NEBL: variants seen among roughly 807,000 people sequenced by gnomAD.
NEBL encodes the protein LIM and SH3 protein 2.
Under a neutral mutation model 140.2 loss-of-function variants are expected in NEBL, and 122 were observed. That is an observed-to-expected ratio of 0.87 (90% CI 0.75 to 1.01). The LOEUF is 1.01. NEBL is among the 50% of genes least tolerant of loss of function. The pLI is 0.00. For synonymous variants in NEBL, 436 were observed against 398.9 expected, an observed-to-expected ratio of 1.09 and a Z score of -1.11; for missense variants, 1,365 against 1,231.3, an observed-to-expected ratio of 1.11 and a Z score of -1.62.
intron 21 of NEBL, among the ~76,000 whole-genome samples, chr10:20,816,698 A>G (rs1373379425): frequency 6.6e-6 from 1 of 152,214 alleles, no homozygotes; most frequent in Non-Finnish European, 1.5e-5. Flanking sequence ...CTATATGTTA[A>G]TGACTGTAAA....
intron 2 of NEBL, among the ~76,000 whole-genome samples, chr10:21,147,511 G>T (rs2132118031): frequency 6.6e-6 from 1 of 151,000 alleles, no homozygotes; most frequent in African/African-American, 2.4e-5. Context: ...TTTACCTCCT[G>T]ATTTCCTCTT....
intron 14 of NEBL, among the ~76,000 whole-genome samples, chr10:20,832,735 A>C (rs1840533132): frequency 6.6e-6 from 1 of 152,188 alleles, no homozygotes; most frequent in South Asian, 2.1e-4. Context: ...TTATTAGGAG[A>C]TCCTCAAATT....
chr10:21,129,274 T>A (rs1400695194), intron 2 of NEBL, among the ~76,000 whole-genome samples: 1 of 151,708 alleles, frequency 6.6e-6, no homozygotes, highest in Non-Finnish European at 1.5e-5. Context: ...TTAACTTTTT[T>A]ATTTTATTTT....
chr10:20,975,600 G>T (rs550555296), intron 3 of NEBL, among the ~76,000 whole-genome samples: 7 of 152,134 alleles, frequency 4.6e-5, no homozygotes, highest in Admixed American at 3.9e-4. Context: ...TCTTTGAATT[G>T]TTCTTTCAGA....
intron 3 of NEBL, among the ~76,000 whole-genome samples, chr10:21,206,181 A>G (rs1424858536): frequency 2.0e-5 from 3 of 152,242 alleles, no homozygotes; most frequent in Non-Finnish European, 4.4e-5. Context: ...AACGCAATGC[A>G]TCTTGCTAAT....
intron 4 of NEBL, among the ~76,000 whole-genome samples, chr10:20,928,337 G>A (rs1220225077): frequency 1.3e-5 from 2 of 152,122 alleles, no homozygotes; most frequent in Admixed American, 6.5e-5. Context: ...GTCACATGTG[G>A]CCAGTGGCTA....
At chr10:20,917,388 C>T (rs907075941) in intron 4 of NEBL, among the ~76,000 whole-genome samples, 2 of 152,160 alleles carry the variant, frequency 1.3e-5, no homozygotes, top group Admixed American at 6.5e-5. Flanking sequence ...AAGAATTTTT[C>T]ATCTTTTTCA....
intron 3 of NEBL, among the ~76,000 whole-genome samples, chr10:21,244,955 G>A (rs549630230): frequency 2.1e-5 from 3 of 145,254 alleles, no homozygotes; most frequent in African/African-American, 7.7e-5. Context: ...CCATGAATTC[G>A]AGACCAGCCT....
At chr10:21,010,764 G>A (rs866396658) in intron 3 of NEBL, among the ~76,000 whole-genome samples, 3 of 152,188 alleles carry the variant, frequency 2.0e-5, no homozygotes, top group African/African-American at 4.8e-5. Context: ...GACTTTGAAC[G>A]TAGGTTACTG....
intron 4 of NEBL, among the ~76,000 whole-genome samples, chr10:20,884,720 G>A (rs916970363): frequency 6.6e-6 from 1 of 152,244 alleles, no homozygotes; most frequent in African/African-American, 2.4e-5. Context: ...GACCACCGTG[G>A]ATGAAACATA....
At chr10:20,866,263 T>C (rs920634672) in intron 7 of NEBL, among the ~76,000 whole-genome samples, 4 of 152,134 alleles carry the variant, frequency 2.6e-5, no homozygotes, top group African/African-American at 9.7e-5. Context: ...GTTTCACTTT[T>C]ACAGGATGAA....
At chr10:21,240,861 G>A (rs1357918802) in intron 3 of NEBL, among the ~76,000 whole-genome samples, 1 of 150,796 alleles carries the variant, frequency 6.6e-6, no homozygotes, top group African/African-American at 2.4e-5. Context: ...AGAAAAGGAG[G>A]AGGAACACTC....
Position 21,274,119 on chromosome 10 carries a change from C to T in NEBL, n.182+18711G>A, listed in dbSNP as rs78302536. Among the ~76,000 whole-genome samples the T allele has an allele frequency of 2.0e-3, 302 of 152,238 alleles. 8 individuals carry two copies. In the East Asian group the frequency reaches 0.056, roughly 28 times the overall value. On this transcript the variant is annotated intron_variant and non_coding_transcript_variant, in intron 1 of 8. Transcript: ENST00000675702. ...TGAGAAGATTTTCTTGCTTTGAAAG[C>T]AAGGTGCCGGTTTAGAGAGGCCCAG...
chr10:20,998,417 G>A (rs1220789182), intron 3 of NEBL, among the ~76,000 whole-genome samples: 1 of 152,074 alleles, frequency 6.6e-6, no homozygotes, highest in Non-Finnish European at 1.5e-5. Context: ...AGTAAATAAT[G>A]TCTGTTATTG....
At chr10:21,171,157 G>C (rs965271785) in intron 2 of NEBL, among the ~76,000 whole-genome samples, 2 of 152,048 alleles carry the variant, frequency 1.3e-5, no homozygotes, top group Non-Finnish European at 2.9e-5. Context: ...CCAACATGGA[G>C]AAACCCCGTC....
At chr10:20,793,419 A>G (rs1225664717) in intron 26 of NEBL, 2 of 892,642 alleles carry the variant, frequency 2.2e-6, no homozygotes, top group Non-Finnish European at 2.7e-6. Context: ...GGACAGAGGA[A>G]GAATCAGTTA....
intron 1 of NEBL, among the ~76,000 whole-genome samples, chr10:21,272,118 A>AT (rs10678454): frequency 0.17 from 13,715 of 79,000 alleles, 2,305 homozygotes; most frequent in Non-Finnish European, 0.22. Flanking sequence ...CACTTGGTTA[A>AT]TTTTTTTTTT....
At chr10:21,286,795 C>T (rs764144187) in intron 1 of NEBL, among the ~76,000 whole-genome samples, 39 of 151,418 alleles carry the variant, frequency 2.6e-4, no homozygotes, top group South Asian at 8.3e-4. Context: ...GCCGAGATGG[C>T]GCCACTGCGC....
intron 2 of NEBL, among the ~76,000 whole-genome samples, chr10:21,141,954 C>G (rs911224373): frequency 6.6e-6 from 1 of 152,224 alleles, no homozygotes; most frequent in African/African-American, 2.4e-5. Flanking sequence ...GAAAATCTTC[C>G]TCTTGACATA....
Sources: gnomAD v4.1 joint callset for allele counts (sites outside exome capture counted in the v4.1 genomes callset) on GRCh38, gnomAD v4.1.1 for gene constraint, MANE v1.5 for transcripts, NCBI Gene and HGNC (gene_info 2026-07-23, HGNC 2026-07-21) for gene names.